The following MARK4 variants were observed in gnomAD, a reference collection of about 807,000 sequenced individuals.
The protein encoded by MARK4 is microtubule affinity regulating kinase 4.
A neutral mutation model predicts 81.5 loss-of-function variants in MARK4; 19 were observed. The observed-to-expected ratio is 0.23, with a 90% CI of 0.16 to 0.34. MARK4 has a LOEUF of 0.34. MARK4 is among the 10% of genes least tolerant of loss of function. The pLI, the probability that MARK4 is intolerant of heterozygous loss-of-function variation, is 1.00. For synonymous variants in MARK4, 436 were observed against 439.0 expected (o/e 0.99, Z 0.08); for missense variants, 772 against 1,058.8 (o/e 0.73, Z 3.76).
chr19:45,267,084 A>G (rs537651873), intron 7 of MARK4, among the ~76,000 whole-genome samples: 88 of 150,540 alleles, frequency 5.8e-4, no homozygotes, highest in Non-Finnish European at 1.2e-3. Flanking sequence ...TTTGACATGG[A>G]GTTTCACACT....
rs1417235019 is a variant in MARK4 at position 45,302,958 on chromosome 19, C to T, written c.*248C>T. On this transcript the variant is annotated 3_prime_UTR_variant, in exon 17 of 17. Transcript: ENST00000262891. This position sits in a 1 kb window ranked among gnomAD's most constrained non-coding sequence, Gnocchi z 4.9. ...CCAGCCAGTCCTGTCCTCCCTCGCCCTACCAAGAGGGCACCTGAGGAGACT... is the reference window on the plus strand; with the variant it reads ...CCAGCCAGTCCTGTCCTCCCTCGCCTTACCAAGAGGGCACCTGAGGAGACT... The T allele has an allele frequency of 1.3e-5, 8 of 601,110 alleles. No individual in the cohort carries two copies. Among genetic ancestry groups the T allele is most frequent in the Middle Eastern group, 4.5e-4 (1 of 2,230 alleles). 37.2% of individuals were successfully genotyped at this position (601,110 alleles called of 1,614,324 possible).
chr19:45,284,384 G>T (rs557750638), intron 12 of MARK4, among the ~76,000 whole-genome samples: 2 of 150,146 alleles, frequency 1.3e-5, no homozygotes, highest in Non-Finnish European at 3.0e-5. Flanking sequence ...GTGCAGTGGC[G>T]CAATCTTGGC....
chr19:45,260,389 C>CAAA (rs35221473), intron 2 of MARK4, among the ~76,000 whole-genome samples: 9 of 110,888 alleles, frequency 8.1e-5, no homozygotes, highest in Admixed American at 1.0e-4. Context: ...GACTTTGTCT[C>CAAA]AAAAAAAAAA....
At chr19:45,275,185 T>A (rs1432991660) in intron 8 of MARK4, among the ~76,000 whole-genome samples, 1 of 151,608 alleles carries the variant, frequency 6.6e-6, no homozygotes, top group East Asian at 1.9e-4. Flanking sequence ...CACTTGAACC[T>A]GGGAGGCAGA....
chr19:45,269,433 C>T (rs12982614), intron 7 of MARK4, among the ~76,000 whole-genome samples: 31,549 of 152,014 alleles, frequency 0.21, 3,854 homozygotes, highest in Non-Finnish European at 0.29. Context: ...CTATTACATT[C>T]AGGTTTAGGG....
At chr19:45,288,471 T>TG (rs1216135756) in intron 13 of MARK4, 1 of 150,548 alleles carries the variant, frequency 6.6e-6, no homozygotes, top group African/African-American at 2.5e-5. Flanking sequence ...GAGAATCGCT[T>TG]GAACCCAGGA....
At chr19:45,287,758 T>C (rs1398254197) in intron 13 of MARK4, 94 bp downstream of exon 13, 2 of 1,378,406 alleles carry the variant, frequency 1.5e-6, no homozygotes, top group Non-Finnish European at 2.0e-6. Context: ...ACGGAACTCC[T>C]TCTTACCAAC....
At position 45,294,407 on chromosome 19, in the gene MARK4, C is replaced by A; in HGVS notation, c.1553C>A (p.Pro518Gln). ...RRNTYVCTER[P>Q]GAERPSLLPN... ...AACACCTACGTTTGCACAGAACGCC[C>A]GGGGGCTGAGCGCCCGTCACTGTTG... The change falls in exon 14 of 17, where the codon CCG (proline) becomes CAG (glutamine). Residue 518 changes from proline to glutamine, a missense_variant. Transcript: ENST00000262891. 6.2e-7 allele frequency: 1 copy of A among 1,614,074 alleles called. No homozygotes were observed.
chr19:45,303,024 CTTCCA>C lies in MARK4; in HGVS notation c.*319_*323del, dbSNP rs1052732427. 20 of 415,864 alleles carry C rather than the reference CTTCCA, an allele frequency of 4.8e-5. No homozygotes were observed. The highest frequency in any genetic ancestry group is 4.7e-4 in the Admixed American group (11 of 23,472). 25.8% of individuals were successfully genotyped at this position (415,864 alleles called of 1,614,324 possible). ...GGGCAGGGAGGGAAACTGAGGAAAT[CTTCCA>C]TTCCTCCCAACAGCTCAAAATTAGG... On this transcript the variant is annotated 3_prime_UTR_variant, in exon 17 of 17. Transcript: ENST00000262891.
At chr19:45,300,645 G>A (rs996726042) in intron 16 of MARK4, among the ~76,000 whole-genome samples, 2 of 152,170 alleles carry the variant, frequency 1.3e-5, no homozygotes, top group African/African-American at 4.8e-5. Flanking sequence ...TACAAAAGCA[G>A]ACAGCACTGG....
intron 12 of MARK4, among the ~76,000 whole-genome samples, chr19:45,284,691 G>A (rs576127766): frequency 1.2e-4 from 18 of 152,158 alleles, no homozygotes; most frequent in Non-Finnish European, 1.8e-4. Flanking sequence ...AGTGGCTTAC[G>A]CCTGTAATCC....
rs1462596806 is a variant in MARK4, at chr19:45,304,981, G to C, written c.*2271G>C. Reference sequence around the variant, plus strand: ...CTGGGCTTTCTTCCAAGGGCACTGGGGGAGCCATGGCAAGGTTGTAGGTAG... The same window carrying C: ...CTGGGCTTTCTTCCAAGGGCACTGGCGGAGCCATGGCAAGGTTGTAGGTAG... On this transcript the variant is annotated 3_prime_UTR_variant, in exon 17 of 17. Coordinates refer to ENST00000262891, the MANE Select transcript of MARK4 (RefSeq NM_001199867.2). 1 of 152,522 alleles carries C rather than the reference G, an allele frequency of 6.6e-6. No individual in the cohort carries two copies. The highest frequency in any genetic ancestry group is 1.5e-5 in the Non-Finnish European group (1 of 68,308). The allele number at this position is 152,522 out of a possible 1,614,324, so 9.4% of individuals were successfully genotyped here. A position where few individuals can be genotyped will look rare whatever the true frequency, so the allele number is the denominator to read the frequency against.
intron 8 of MARK4, among the ~76,000 whole-genome samples, chr19:45,273,669 G>A (rs191724343): frequency 1.3e-5 from 2 of 152,186 alleles, no homozygotes; most frequent in East Asian, 1.9e-4. Flanking sequence ...TTTGCAGAAC[G>A]TCCCTCAATT....
intron 2 of MARK4, among the ~76,000 whole-genome samples, chr19:45,261,117 C>T (rs781170782): frequency 2.6e-4 from 40 of 152,126 alleles, no homozygotes; most frequent in Admixed American, 2.2e-3. Flanking sequence ...CAAAAGACAC[C>T]GGGCCCCGAT....
rs1339407043 is a variant in MARK4, at chr19:45,271,764, A to G, written c.786+56A>G. 13 of 1,516,498 alleles carry G rather than the reference A, an allele frequency of 8.6e-6. No homozygotes were observed. The highest frequency in any genetic ancestry group is 1.8e-5 in the Admixed American group (1 of 55,428). The allele number at this position is 1,516,498 out of a possible 1,614,324, so 93.9% of individuals were successfully genotyped here. On this transcript the variant is annotated intron_variant, in intron 8 of 16. Coordinates refer to ENST00000262891, the MANE Select transcript of MARK4 (RefSeq NM_001199867.2). This position sits in a 1 kb window ranked among gnomAD's most constrained non-coding sequence, Gnocchi z 4.1. ...AGCCCCTCCCCACAGTCAGGCCCCT[A>G]TCCCCCCCACACCTCCCCTGCAGAG...
At chr19:45,274,827 C>A (rs2123060197) in intron 8 of MARK4, among the ~76,000 whole-genome samples, 1 of 152,320 alleles carries the variant, frequency 6.6e-6, no homozygotes, top group African/African-American at 2.4e-5. Flanking sequence ...GGTGTCCCCA[C>A]CAGGCACCCC....
intron 15 of MARK4, among the ~76,000 whole-genome samples, chr19:45,298,633 G>C (rs1029684389): frequency 2.0e-5 from 3 of 152,180 alleles, no homozygotes; most frequent in African/African-American, 7.2e-5. Context: ...CACTGTCCTA[G>C]GCCCTGTAGT....
At chr19:45,267,025 C>T (rs1412052204) in intron 7 of MARK4, among the ~76,000 whole-genome samples, 2 of 151,962 alleles carry the variant, frequency 1.3e-5, no homozygotes, top group Non-Finnish European at 2.9e-5. Context: ...AGCCACGGCA[C>T]CTGGCCGGGA....
intron 13 of MARK4, chr19:45,288,007 G>A: frequency 3.1e-6 from 1 of 327,096 alleles, no homozygotes. Flanking sequence ...GGGAGGCCGA[G>A]GCGGGAGGAT....
Sources: gnomAD v4.1 joint callset for allele counts (sites outside exome capture counted in the v4.1 genomes callset) on GRCh38, gnomAD v4.1.1 for gene constraint, Gnocchi (gnomAD v3.1) non-coding constraint, MANE v1.5 for transcripts, NCBI Gene and HGNC (gene_info 2026-07-23, HGNC 2026-07-21) for gene names.